GALNTL6: variants seen among roughly 807,000 people sequenced by gnomAD.
The protein encoded by GALNTL6 is polypeptide N-acetylgalactosaminyltransferase-like 6.
In GALNTL6, 46 loss-of-function variants were observed where a neutral mutation model predicts 73.7. The observed-to-expected ratio is 0.62, with a 90% CI of 0.49 to 0.80. The LOEUF is 0.80. Among genes scored for constraint, GALNTL6 ranks in the 30% least tolerant of loss-of-function variants. The pLI is 0.00. For synonymous variants in GALNTL6, 259 were observed against 263.7 expected (o/e 0.98, Z 0.17); for missense variants, 604 against 755.0 (o/e 0.80, Z 2.34).
At chr4:172,906,558 G>A (rs1270232117) in intron 8 of GALNTL6, among the ~76,000 whole-genome samples, 1 of 152,178 alleles carries the variant, frequency 6.6e-6, no homozygotes, top group African/African-American at 2.4e-5. Context: ...GACATCAAAT[G>A]TTCAGCCAAC....
intron 5 of GALNTL6, among the ~76,000 whole-genome samples, chr4:172,629,361 G>C (rs187429401): frequency 4.6e-5 from 7 of 152,018 alleles, no homozygotes; most frequent in Non-Finnish European, 7.4e-5. Flanking sequence ...AACAAATTTT[G>C]TTAGTCTTAT....
chr4:172,951,838 G>A (rs572513240), intron 9 of GALNTL6, among the ~76,000 whole-genome samples, 199 bp from the exon 10 acceptor site: 2 of 152,352 alleles, frequency 1.3e-5, no homozygotes, highest in Admixed American at 1.3e-4. Flanking sequence ...GCCAGAAGTA[G>A]AAATGTGTGT....
chr4:172,639,440 T>G (rs1047497673), intron 5 of GALNTL6, among the ~76,000 whole-genome samples: 7 of 152,138 alleles, frequency 4.6e-5, no homozygotes, highest in African/African-American at 1.7e-4. Context: ...GTATTTCTCG[T>G]TAAAACCACA....
intron 11 of GALNTL6, among the ~76,000 whole-genome samples, chr4:173,010,490 C>G (rs1274890934): frequency 6.6e-6 from 1 of 152,132 alleles, no homozygotes; most frequent in Non-Finnish European, 1.5e-5. Flanking sequence ...GCAGGTGTCT[C>G]CTCGATATAC....
intron 2 of GALNTL6, among the ~76,000 whole-genome samples, chr4:171,905,390 CAAAG>C (rs1001176093): frequency 1.3e-5 from 2 of 151,968 alleles, no homozygotes; most frequent in African/African-American, 4.8e-5. Context: ...GATCAAAAGA[CAAAG>C]AAGGCCATTA....
chr4:171,946,508 G>A (rs1738705915), intron 2 of GALNTL6, among the ~76,000 whole-genome samples: 1 of 152,142 alleles, frequency 6.6e-6, no homozygotes, highest in African/African-American at 2.4e-5. Flanking sequence ...TCATCTCTCT[G>A]TCTCTTGCTC....
chr4:171,879,789 A>G (rs985125264), intron 2 of GALNTL6, among the ~76,000 whole-genome samples: 4 of 152,210 alleles, frequency 2.6e-5, no homozygotes, highest in African/African-American at 9.6e-5. Context: ...ATGACAATAC[A>G]TAATAGAGCC....
intron 10 of GALNTL6, among the ~76,000 whole-genome samples, chr4:172,969,894 T>C (rs906104730): frequency 6.6e-6 from 1 of 152,166 alleles, no homozygotes; most frequent in Non-Finnish European, 1.5e-5. Flanking sequence ...TCAATGTAGT[T>C]TATTTCTATT....
chr4:171,898,549 A>G (rs1736992373), intron 2 of GALNTL6, among the ~76,000 whole-genome samples: 2 of 152,108 alleles, frequency 1.3e-5, no homozygotes, highest in Admixed American at 1.3e-4. Flanking sequence ...TATATAAACA[A>G]CTTGTATGAA....
intron 7 of GALNTL6, among the ~76,000 whole-genome samples, chr4:172,863,377 GCT>G (rs1744497701): frequency 6.6e-6 from 1 of 152,212 alleles, no homozygotes; most frequent in South Asian, 2.1e-4. Context: ...CAGGAAGGGG[GCT>G]GTACCCTGCA....
At chr4:171,832,592 A>G (rs1277650093) in intron 2 of GALNTL6, among the ~76,000 whole-genome samples, 1 of 151,574 alleles carries the variant, frequency 6.6e-6, no homozygotes, top group Non-Finnish European at 1.5e-5. Flanking sequence ...AAAAAAGTAT[A>G]GAGTAAAAAA....
At chr4:172,229,820 G>T in intron 3 of GALNTL6, 56 bp downstream of exon 3, 5 of 1,025,806 alleles carry the variant, frequency 4.9e-6, no homozygotes, top group Non-Finnish European at 7.6e-6. Flanking sequence ...TGTCTCATTT[G>T]TCACGTAAAG....
intron 11 of GALNTL6, among the ~76,000 whole-genome samples, chr4:173,013,535 G>T (rs1752644721): frequency 6.6e-6 from 1 of 151,820 alleles, no homozygotes; most frequent in African/African-American, 2.4e-5. Flanking sequence ...AAAATTGCTG[G>T]TTCACTCCCC....
intron 2 of GALNTL6, among the ~76,000 whole-genome samples, chr4:172,100,267 C>G (rs1168231114): frequency 6.6e-6 from 1 of 152,038 alleles, no homozygotes; most frequent in Non-Finnish European, 1.5e-5. Context: ...AATGTGGTAG[C>G]TAACACATAG....
intron 5 of GALNTL6, among the ~76,000 whole-genome samples, chr4:172,588,088 G>A (rs949607276): frequency 2.6e-5 from 4 of 152,010 alleles, no homozygotes; most frequent in East Asian, 1.9e-4. Flanking sequence ...ATTAAGCAAC[G>A]TAGCATAATG....
intron 2 of GALNTL6, among the ~76,000 whole-genome samples, chr4:172,131,050 T>G (rs531774556): frequency 6.6e-6 from 1 of 152,138 alleles, no homozygotes; most frequent in South Asian, 2.1e-4. Flanking sequence ...TTTGTTATAT[T>G]TAGCCAATCC....
chr4:172,012,365 C>T (rs1389451601), intron 2 of GALNTL6, among the ~76,000 whole-genome samples: 1 of 151,954 alleles, frequency 6.6e-6, no homozygotes, highest in Non-Finnish European at 1.5e-5. Context: ...ACTCTCTAGG[C>T]CACTGTGTCT....
intron 5 of GALNTL6, among the ~76,000 whole-genome samples, chr4:172,432,606 A>T (rs987628866): frequency 6.6e-6 from 1 of 152,048 alleles, no homozygotes; most frequent in African/African-American, 2.4e-5. Flanking sequence ...TGAAATATCT[A>T]AAACTGGATT....
Position 172,405,543 on chromosome 4 carries a change from T to G in GALNTL6, c.553+56854T>G, listed in dbSNP as rs555683507. On this transcript the variant is annotated intron_variant, in intron 5 of 12. Transcript: ENST00000506823. The stretch of plus-strand genomic sequence containing the variant: ...AACAAAGGATCAGTAGCTACACATA[T>G]AACCATGTTATCTCACATCCTAATG... Among the ~76,000 whole-genome samples, 8 of 150,060 alleles carry G rather than the reference T, an allele frequency of 5.3e-5. No individual in the cohort carries two copies. In the East Asian group the frequency reaches 1.6e-3, roughly 30 times the overall value.
Sources: allele counts gnomAD v4.1 joint callset (sites outside exome capture counted in the v4.1 genomes callset), GRCh38; gene constraint gnomAD v4.1.1; transcripts MANE v1.5; gene names NCBI Gene and HGNC (gene_info 2026-07-23, HGNC 2026-07-21).